The following TBC1D32 variants were observed in gnomAD, a reference collection of about 807,000 sequenced individuals.
The protein encoded by TBC1D32 is protein broad-minded.
In TBC1D32, 151 loss-of-function variants were observed where a neutral mutation model predicts 170.3. That is an observed-to-expected ratio of 0.89 (90% CI 0.78 to 1.01). TBC1D32 has a LOEUF of 1.01. Ranked by LOEUF, TBC1D32 falls within the 50% of genes least tolerant of loss-of-function variation. The probability of loss-of-function intolerance (pLI) is 0.00; values close to 1 mark genes in which losing one functional copy is unlikely to be tolerated. For synonymous variants in TBC1D32, 498 were observed against 488.0 expected (o/e 1.02, Z -0.27); for missense variants, 1,464 against 1,457.1 (o/e 1.00, Z -0.08).
At chr6:121,317,388 T>C (rs1809075534) in intron 3 of TBC1D32, 107 bp downstream of exon 3, 1 of 797,008 alleles carries the variant, frequency 1.3e-6, no homozygotes, top group South Asian at 2.9e-5. Flanking sequence ...ATTATTTTTC[T>C]CCTGAATCTT....
intron 12 of TBC1D32, among the ~76,000 whole-genome samples, chr6:121,285,599 C>T (rs1055979461): frequency 1.3e-5 from 2 of 152,056 alleles, no homozygotes; most frequent in East Asian, 1.9e-4. Context: ...ACGCAGAAGA[C>T]GGGTGATTTC....
rs189757363 is a variant in TBC1D32, at chr6:121,328,367, G to A, written c.155+5909C>T. Among the ~76,000 whole-genome samples, 13 of 151,904 alleles carry A rather than the reference G, an allele frequency of 8.6e-5. No individual in the cohort carries two copies. The East Asian group carries it at 2.5e-3, about 29-fold the overall frequency. On this transcript the variant is annotated intron_variant, in intron 1 of 31. Coordinates refer to ENST00000398212, the MANE Select transcript of TBC1D32 (RefSeq NM_152730.6). ...GTGACGCGATCTCGGCTCTCTGCAA[G>A]CTCCGCCTCCCAGGTTCACGCCATT... is the stretch of plus-strand genomic sequence containing the variant.
intron 24 of TBC1D32, among the ~76,000 whole-genome samples, chr6:121,146,075 G>A (rs1783401253): frequency 6.6e-6 from 1 of 152,130 alleles, no homozygotes; most frequent in South Asian, 2.1e-4. Context: ...CTGATGTGAA[G>A]GATGGATGCC....
chr6:121,085,799 T>C (rs1049597921), intron 31 of TBC1D32, among the ~76,000 whole-genome samples: 1 of 152,094 alleles, frequency 6.6e-6, no homozygotes, highest in Non-Finnish European at 1.5e-5. Flanking sequence ...TATGTGGTTC[T>C]TGAAGATTTA....
intron 15 of TBC1D32, among the ~76,000 whole-genome samples, chr6:121,278,226 T>A (rs546867810): frequency 6.6e-6 from 1 of 152,212 alleles, no homozygotes; most frequent in South Asian, 2.1e-4. Flanking sequence ...CTCCAGAAGA[T>A]AGAAAGAATA....
At chr6:121,196,498 T>C (rs1790755433) in intron 22 of TBC1D32, among the ~76,000 whole-genome samples, 1 of 152,152 alleles carries the variant, frequency 6.6e-6, no homozygotes, top group South Asian at 2.1e-4. Flanking sequence ...CAGATATGGG[T>C]TTGCCTATCC....
At chr6:121,325,572 C>T (rs932064751) in intron 1 of TBC1D32, among the ~76,000 whole-genome samples, 10 of 152,148 alleles carry the variant, frequency 6.6e-5, no homozygotes, top group African/African-American at 1.4e-4. Context: ...GCTAGCCATA[C>T]GCAGAAAGCT....
intron 22 of TBC1D32, among the ~76,000 whole-genome samples, chr6:121,198,247 T>TATATATATATATAATATATATATATA (rs1299030623): frequency 7.7e-6 from 1 of 129,536 alleles, no homozygotes; most frequent in East Asian, 2.0e-4. Flanking sequence ...ATATATATAT[T>TATATATATATATAATATATATATATA]ATATATATAT....
At chr6:121,094,603 T>C (rs1364825542) in intron 30 of TBC1D32, among the ~76,000 whole-genome samples, 1 of 152,170 alleles carries the variant, frequency 6.6e-6, no homozygotes, top group Non-Finnish European at 1.5e-5. Context: ...TAAAAACATA[T>C]ATAAAGGAAG....
intron 22 of TBC1D32, among the ~76,000 whole-genome samples, chr6:121,196,835 T>C (rs1790802816): frequency 6.6e-6 from 1 of 152,120 alleles, no homozygotes; most frequent in Admixed American, 6.5e-5. Context: ...ATGATACTGT[T>C]TTTGCCATAG....
intron 4 of TBC1D32, 21 bp from the exon 5 acceptor site, chr6:121,308,122 T>G: frequency 6.2e-7 from 1 of 1,606,532 alleles, no homozygotes; most frequent in Non-Finnish European, 8.5e-7. Flanking sequence ...TTTAAAAGAC[T>G]TTTATTAACA....
chr6:121,229,812 T>C (rs577141729), intron 20 of TBC1D32, among the ~76,000 whole-genome samples: 12 of 152,208 alleles, frequency 7.9e-5, no homozygotes, highest in African/African-American at 2.4e-4. Flanking sequence ...TCATCTCAAA[T>C]TGTAATCCCT....
intron 2 of TBC1D32, among the ~76,000 whole-genome samples, chr6:121,319,247 A>G (rs1356561022): frequency 6.6e-6 from 1 of 152,148 alleles, no homozygotes; most frequent in Non-Finnish European, 1.5e-5. Flanking sequence ...TAGAGGTAAC[A>G]GAGTCCGAGG....
At chr6:121,180,055 T>C (rs1309070781) in intron 22 of TBC1D32, among the ~76,000 whole-genome samples, 1 of 152,112 alleles carries the variant, frequency 6.6e-6, no homozygotes, top group Non-Finnish European at 1.5e-5. Flanking sequence ...GACTTCTACA[T>C]AGAAAACTAC....
intron 15 of TBC1D32, among the ~76,000 whole-genome samples, chr6:121,272,759 G>A (rs1326289154): frequency 6.6e-6 from 1 of 152,154 alleles, no homozygotes; most frequent in Non-Finnish European, 1.5e-5. Flanking sequence ...CCCTTACTGG[G>A]TATATACCCA....
At chr6:121,107,513 C>T (rs1349590089) in intron 29 of TBC1D32, among the ~76,000 whole-genome samples, 2 of 151,516 alleles carry the variant, frequency 1.3e-5, no homozygotes, top group African/African-American at 4.8e-5. Flanking sequence ...TATCTTGTAG[C>T]CAACTTTATA....
intron 24 of TBC1D32, among the ~76,000 whole-genome samples, chr6:121,133,175 C>A (rs1458641342): frequency 6.6e-6 from 1 of 151,970 alleles, no homozygotes; most frequent in African/African-American, 2.4e-5. Context: ...CAGCAAGATA[C>A]TAGTGGTAAA....
At position 121,170,551 on chromosome 6, in the gene TBC1D32, G is replaced by A. The variant is rs181875774; in HGVS notation, c.2571-9495C>T. On this transcript the variant is annotated intron_variant, in intron 22 of 31. Transcript: ENST00000398212. ...ACCTATATAAAAAAGAAAAATAAAC[G>A]TAGATTGTGTAAAATATGTCCCAAA... 3,496 of 1,469,338 alleles carry A rather than the reference G, an allele frequency of 2.4e-3. 28 individuals carry two copies. The highest frequency in any genetic ancestry group is 0.015 in the South Asian group (955 of 65,446). The allele number at this position is 1,469,338 out of a possible 1,614,324, so 91.0% of individuals were successfully genotyped here.
chr6:121,227,407 TAAG>T (rs1562981115), intron 20 of TBC1D32, among the ~76,000 whole-genome samples: 3 of 152,130 alleles, frequency 2.0e-5, no homozygotes, highest in Non-Finnish European at 2.9e-5. Flanking sequence ...ATAAAAGTGG[TAAG>T]AGTCAACCAA....
Sources: allele counts gnomAD v4.1 joint callset (sites outside exome capture counted in the v4.1 genomes callset), GRCh38; gene constraint gnomAD v4.1.1; transcripts MANE v1.5; gene names NCBI Gene and HGNC (gene_info 2026-07-23, HGNC 2026-07-21).